The following PCDHAC1 variants were observed in gnomAD, a reference collection of about 807,000 sequenced individuals.
The protein encoded by PCDHAC1 is protocadherin alpha subfamily C, 1.
Under a neutral mutation model 60.0 loss-of-function variants are expected in PCDHAC1, and 42 were observed. That is an observed-to-expected ratio of 0.70 (90% confidence interval 0.55 to 0.90). The LOEUF is 0.90. Ranked by LOEUF, PCDHAC1 falls within the 40% of genes least tolerant of loss-of-function variation. The pLI is 0.00. For synonymous variants in PCDHAC1, 468 were observed against 499.3 expected (o/e 0.94, Z 0.84); for missense variants, 1,160 against 1,222.3 (o/e 0.95, Z 0.76).
At position 140,927,172 on chromosome 5, in the gene PCDHAC1, G is replaced by T; in HGVS notation, c.280G>T (p.Val94Phe). 2 of 1,614,152 alleles carry T rather than the reference G, an allele frequency of 1.2e-6. No homozygotes were observed. The highest frequency in any genetic ancestry group is 1.7e-6 in the Non-Finnish European group (2 of 1,180,032). Reference sequence around the variant, plus strand: ...GCTGTGCAGGGCCAAAGCTGCCTGCGTCTTGACCTACGACCTGGTGCTCGA... The same window carrying T: ...GCTGTGCAGGGCCAAAGCTGCCTGCTTCTTGACCTACGACCTGGTGCTCGA... ...EQLCRAKAACVLTYDLVLEDP... is the reference protein window; with the variant it reads ...EQLCRAKAACFLTYDLVLEDP... The change falls in exon 1 of 4, where the codon GTC becomes TTC. Residue 94 changes from valine to phenylalanine, a missense_variant. Around this residue, in one of 3 missense-constraint regions of PCDHAC1, gnomAD observed 1,113 missense variants for 1,163.7 expected, o/e 0.96. Coordinates refer to ENST00000253807, the MANE Select transcript of PCDHAC1 (RefSeq NM_018898.5).
chr5:140,941,597 G>T (rs2093124922), intron 1 of PCDHAC1, among the ~76,000 whole-genome samples: 1 of 152,032 alleles, frequency 6.6e-6, no homozygotes, highest in Middle Eastern at 3.4e-3. Context: ...TTACAGCCAT[G>T]AGCCATGGTG....
At position 140,978,930 on chromosome 5, in the gene PCDHAC1, T is replaced by C; in HGVS notation, c.2434-19T>C. On this transcript the variant is annotated intron_variant, in intron 1 of 3. Transcript: ENST00000253807. ...TTGTCTTGTCATTTTAACAGAAAAC[T>C]CTCTTTGTGATTTTGCAGCCACGAC... 2 of 1,614,088 alleles carry C rather than the reference T, an allele frequency of 1.2e-6. No individual in the cohort carries two copies. Among genetic ancestry groups the C allele is most frequent in the South Asian group, 1.1e-5 (1 of 91,072 alleles).
rs2085922750 is a variant in PCDHAC1 at position 140,929,202 on chromosome 5, G to T, written c.2310G>T (p.Leu770=). The change falls in exon 1 of 4, where the codon CTG becomes CTT. Residue 770 remains leucine (L), a synonymous_variant. Coordinates refer to ENST00000253807, the MANE Select transcript of PCDHAC1 (RefSeq NM_018898.5). ...TTGGTTCTGATAATAACAGTTTGCT[G>T]TTGCGTGGGGAGTACAATGCTGCCG... The part of the protein sequence containing the change: ...LGLGSDNNSL[L]LRGEYNAADL... 1.2e-6 allele frequency: 2 copies of T among 1,613,984 alleles called. No individual in the cohort carries two copies. Among genetic ancestry groups the T allele is most frequent in the African/African-American group, 1.3e-5 (1 of 74,908 alleles).
chr5:141,006,535 G>A (rs1473022946), intron 3 of PCDHAC1, among the ~76,000 whole-genome samples: 1 of 152,118 alleles, frequency 6.6e-6, no homozygotes, highest in Non-Finnish European at 1.5e-5. Context: ...TTTTTAAAGA[G>A]AGACATTAAG....
At chr5:140,988,414 T>C (rs1554250128) in intron 3 of PCDHAC1, among the ~76,000 whole-genome samples, 1 of 152,194 alleles carries the variant, frequency 6.6e-6, no homozygotes. Flanking sequence ...GCAGCTTATG[T>C]AAAGAATTTG....
At chr5:140,948,447 A>G (rs2094256090) in intron 1 of PCDHAC1, among the ~76,000 whole-genome samples, 1 of 151,282 alleles carries the variant, frequency 6.6e-6, no homozygotes, top group Non-Finnish European at 1.5e-5. Flanking sequence ...TGTGCCAGGG[A>G]TTTTCTTTTA....
intron 1 of PCDHAC1, chr5:140,968,136 T>C (rs1554230395): frequency 1.2e-6 from 2 of 1,614,102 alleles, no homozygotes; most frequent in South Asian, 2.2e-5. Flanking sequence ...ACACTGAAGG[T>C]TGAGATCTCT....
At chr5:140,944,046 G>A (rs782798105) in intron 1 of PCDHAC1, among the ~76,000 whole-genome samples, 3 of 152,158 alleles carry the variant, frequency 2.0e-5, no homozygotes, top group Non-Finnish European at 4.4e-5. Context: ...AACCAGATTG[G>A]GATACAAAAA....
intron 1 of PCDHAC1, among the ~76,000 whole-genome samples, chr5:140,932,839 C>T (rs138437913): frequency 6.6e-6 from 1 of 151,940 alleles, no homozygotes; most frequent in East Asian, 1.9e-4. Flanking sequence ...GACAATGTGT[C>T]TCATAATGTT....
At chr5:140,946,893 A>T (rs1233227457) in intron 1 of PCDHAC1, among the ~76,000 whole-genome samples, 1 of 151,482 alleles carries the variant, frequency 6.6e-6, no homozygotes, top group African/African-American at 2.4e-5. Context: ...TTACAATTAG[A>T]TAGGAAGAAT....
rs1344644551 is a variant in PCDHAC1, at chr5:140,926,745, C to T, written c.-148C>T. 2.5e-6 allele frequency: 3 copies of T among 1,219,360 alleles called. No individual in the cohort carries two copies. The highest frequency in any genetic ancestry group is 3.2e-6 in the Non-Finnish European group (3 of 939,846). 75.5% of individuals were successfully genotyped at this position (1,219,360 alleles called of 1,614,324 possible). ...TGCCGGCGTTCGGGAGGCGCAACGTCGGCGGTCGCTGAGTATCCAGCCCGC... is the reference window on the plus strand; with the variant it reads ...TGCCGGCGTTCGGGAGGCGCAACGTTGGCGGTCGCTGAGTATCCAGCCCGC... On this transcript the variant is annotated 5_prime_UTR_variant, in exon 1 of 4. Coordinates refer to ENST00000253807, the MANE Select transcript of PCDHAC1 (RefSeq NM_018898.5).
Position 141,010,149 on chromosome 5 carries a change from C to T in PCDHAC1, c.*212C>T. 6.3e-7 allele frequency: 1 copy of T among 1,580,088 alleles called. No individual in the cohort carries two copies. Among genetic ancestry groups the T allele is most frequent in the Non-Finnish European group, 8.6e-7 (1 of 1,161,942 alleles). On this transcript the variant is annotated 3_prime_UTR_variant, in exon 4 of 4. Transcript: ENST00000253807. ...GTCTGGTGTTAACTCTTTCTCTCCA[C>T]TCTGGCTTGTTTTCAGAACCTAAAA...
intron 1 of PCDHAC1, chr5:140,966,271 T>C: frequency 2.8e-6 from 1 of 355,706 alleles, no homozygotes; most frequent in Non-Finnish European, 5.0e-6. Flanking sequence ...CTGGATGAAC[T>C]GGACAGTGGG....
intron 3 of PCDHAC1, among the ~76,000 whole-genome samples, chr5:140,987,875 G>A (rs1293461683): frequency 6.6e-6 from 1 of 152,008 alleles, no homozygotes; most frequent in Non-Finnish European, 1.5e-5. Flanking sequence ...GTGGAAAATG[G>A]ACAGTTTATG....
intron 1 of PCDHAC1, among the ~76,000 whole-genome samples, chr5:140,963,325 C>T (rs1156299692): frequency 2.0e-5 from 3 of 152,156 alleles, no homozygotes; most frequent in Non-Finnish European, 4.4e-5. Flanking sequence ...ATTAGAATTA[C>T]ACAGATAAAT....
Position 140,993,262 on chromosome 5 carries a change from C to T in PCDHAC1, c.2581+10699C>T, listed in dbSNP as rs75542242. ...CTGGGGATTTAGATATATAAATTAG[C>T]TTCTTTGGTCTTTTCTTGCCCAGGG... On this transcript the variant is annotated intron_variant, in intron 3 of 3. Transcript: ENST00000253807. Among the ~76,000 whole-genome samples the T allele has an allele frequency of 6.3e-3, 965 of 152,148 alleles. 15 individuals are homozygous for T. Among genetic ancestry groups the T allele is most frequent in the African/African-American group, 0.023 (934 of 41,492 alleles).
chr5:140,957,138 C>G (rs1554222835), intron 1 of PCDHAC1, among the ~76,000 whole-genome samples: 1 of 151,982 alleles, frequency 6.6e-6, no homozygotes, highest in African/African-American at 2.4e-5. Flanking sequence ...ACACTATGAA[C>G]TAAAAATTTT....
chr5:140,986,732 C>T (rs1427962629), intron 3 of PCDHAC1, among the ~76,000 whole-genome samples: 1 of 152,150 alleles, frequency 6.6e-6, no homozygotes, highest in African/African-American at 2.4e-5. Context: ...CTTCTCAAGA[C>T]CCCAGGGGAT....
intron 1 of PCDHAC1, among the ~76,000 whole-genome samples, chr5:140,971,388 C>A (rs1554233283): frequency 6.6e-6 from 1 of 152,132 alleles, no homozygotes; most frequent in Non-Finnish European, 1.5e-5. Flanking sequence ...TTAATAAAGG[C>A]AAATTTCTGC....
Sources: gnomAD v4.1 joint callset for allele counts (sites outside exome capture counted in the v4.1 genomes callset) on GRCh38, gnomAD v4.1.1 for gene constraint, gnomAD v4.1.1 regional missense constraint, MANE v1.5 for transcripts, NCBI Gene and HGNC (gene_info 2026-07-23, HGNC 2026-07-21) for gene names.